CDH4: variants seen among roughly 807,000 people sequenced by gnomAD.
CDH4 encodes cadherin-4.
In CDH4, 33 loss-of-function variants were observed where a neutral mutation model predicts 86.0. The observed-to-expected ratio is 0.38, with a 90% CI of 0.29 to 0.51. The LOEUF is 0.51. Ranked by LOEUF, CDH4 falls within the 20% of genes least tolerant of loss-of-function variation. CDH4 has a pLI of 0.86. For synonymous variants in CDH4, 555 were observed against 549.4 expected, an observed-to-expected ratio of 1.01 and a Z score of -0.14; for missense variants, 1,114 against 1,307.4, an observed-to-expected ratio of 0.85 and a Z score of 2.28.
At chr20:61,790,578 C>G (rs1030675209) in intron 4 of CDH4, among the ~76,000 whole-genome samples, 1 of 150,800 alleles carries the variant, frequency 6.6e-6, no homozygotes, top group East Asian at 2.0e-4. Flanking sequence ...ATTTATCTGT[C>G]TAACCATTCA....
At chr20:61,674,645 G>A in intron 2 of CDH4, among the ~76,000 whole-genome samples, 1 of 152,226 alleles carries the variant, frequency 6.6e-6, no homozygotes, top group East Asian at 1.9e-4. Flanking sequence ...CCTTGTTAAT[G>A]CTATATTTTA....
intron 6 of CDH4, among the ~76,000 whole-genome samples, chr20:61,873,474 CA>C (rs1424010519): frequency 1.3e-5 from 2 of 152,134 alleles, no homozygotes; most frequent in Non-Finnish European, 2.9e-5. Context: ...TTTCCCCAGC[CA>C]AAAAAGGAAG....
intron 2 of CDH4, among the ~76,000 whole-genome samples, chr20:61,701,521 T>C (rs2087775841): frequency 6.6e-6 from 1 of 152,208 alleles, no homozygotes; most frequent in Non-Finnish European, 1.5e-5. Flanking sequence ...GATCAGGACA[T>C]GCCCATCCTC....
intron 2 of CDH4, among the ~76,000 whole-genome samples, chr20:61,319,835 T>C (rs545327754): frequency 2.0e-5 from 3 of 151,090 alleles, no homozygotes; most frequent in Non-Finnish European, 4.4e-5. Context: ...GCACCTGTAG[T>C]CCTTAGCTAC....
intron 2 of CDH4, among the ~76,000 whole-genome samples, chr20:61,296,095 C>T (rs1024393842): frequency 6.6e-6 from 1 of 151,888 alleles, no homozygotes; most frequent in East Asian, 1.9e-4. Flanking sequence ...AGGAGAGCGG[C>T]TTCTAGGCAG....
rs368530278 is a variant in CDH4, at chr20:61,423,300, G to A, written c.169+168363G>A. Among the ~76,000 whole-genome samples, 4 of 152,338 alleles carry A rather than the reference G, an allele frequency of 2.6e-5. No homozygotes were observed. In the South Asian group the frequency reaches 8.3e-4, roughly 32 times the overall value. On this transcript the variant is annotated intron_variant, in intron 2 of 15. Coordinates refer to ENST00000614565, the MANE Select transcript of CDH4 (RefSeq NM_001794.5). ...CCCGCAGGGCAGGCAGGTGTCCTGA[G>A]CTGTTCCAGTGCCCCGGGTGTGCAC...
At chr20:61,344,245 C>T (rs1318642474) in intron 2 of CDH4, among the ~76,000 whole-genome samples, 1 of 152,100 alleles carries the variant, frequency 6.6e-6, no homozygotes, top group South Asian at 2.1e-4. Context: ...TATTCTTACA[C>T]CCTTTGATGG....
chr20:61,307,768 G>T (rs73319128), intron 2 of CDH4, among the ~76,000 whole-genome samples: 2,153 of 152,302 alleles, frequency 0.014, 64 homozygotes, highest in African/African-American at 0.05. Context: ...GTCCTGCAGG[G>T]CTGGACTGCT....
chr20:61,755,935 G>A (rs1000203504), intron 3 of CDH4, among the ~76,000 whole-genome samples: 23 of 152,220 alleles, frequency 1.5e-4, no homozygotes, highest in African/African-American at 4.3e-4. Context: ...AAAGGACCCA[G>A]CACTTCACAG....
chr20:61,291,190 C>T (rs1163139125), intron 2 of CDH4, among the ~76,000 whole-genome samples: 1 of 152,196 alleles, frequency 6.6e-6, no homozygotes, highest in African/African-American at 2.4e-5. Flanking sequence ...TGACTCACAC[C>T]TTGTAGTGAG....
At chr20:61,872,954 A>T (rs1295419886) in intron 6 of CDH4, among the ~76,000 whole-genome samples, 1 of 152,108 alleles carries the variant, frequency 6.6e-6, no homozygotes, top group Non-Finnish European at 1.5e-5. Context: ...GGGCGTGCTG[A>T]TGCAGGCCCT....
In CDH4 at chr20:61,623,474, A is replaced by C. The variant is rs2086797267; in HGVS notation, c.170-120089A>C. On this transcript the variant is annotated intron_variant, in intron 2 of 15. Coordinates refer to ENST00000614565, the MANE Select transcript of CDH4 (RefSeq NM_001794.5). The surrounding 1 kb of genome is among the most constrained non-coding windows in gnomAD (Gnocchi z 4.4). ...GATTACACCTTCCAAAGCCTTCAGAAATACCATTACAATGAAAACAATTTC... is the reference window on the plus strand; with the variant it reads ...GATTACACCTTCCAAAGCCTTCAGACATACCATTACAATGAAAACAATTTC... 6.6e-6 allele frequency among the ~76,000 whole-genome samples: 1 copy of C among 152,212 alleles called. No homozygotes were observed. The highest frequency in any genetic ancestry group is 2.4e-5 in the African/African-American group (1 of 41,468).
chr20:61,881,895 G>A lies in CDH4; in HGVS notation c.1050+7995G>A, dbSNP rs115573274. On this transcript the variant is annotated intron_variant, in intron 7 of 15. Coordinates refer to ENST00000614565, the MANE Select transcript of CDH4 (RefSeq NM_001794.5). ...GGTGTAAAGATCTGGAGATAAAATC[G>A]TCTGCATTGGGGTGGACCCTAAATC... Among the ~76,000 whole-genome samples, 874 of 152,362 alleles carry A rather than the reference G, an allele frequency of 5.7e-3. 8 individuals are homozygous for A. Among genetic ancestry groups the A allele is most frequent in the African/African-American group, 0.02 (827 of 41,584 alleles).
At chr20:61,579,871 G>T (rs932823913) in intron 2 of CDH4, among the ~76,000 whole-genome samples, 30 of 152,120 alleles carry the variant, frequency 2.0e-4, no homozygotes, top group African/African-American at 7.0e-4. Flanking sequence ...TTATTCAAAA[G>T]CTCCTAGAGC....
chr20:61,365,454 G>A (rs1449108111), intron 2 of CDH4, among the ~76,000 whole-genome samples: 6 of 152,106 alleles, frequency 3.9e-5, no homozygotes, highest in Admixed American at 1.3e-4. Context: ...GGTGATGAGT[G>A]CTGGGGTATG....
chr20:61,882,430 G>A (rs965040807), intron 7 of CDH4, among the ~76,000 whole-genome samples: 14 of 152,196 alleles, frequency 9.2e-5, no homozygotes, highest in South Asian at 2.1e-4. Flanking sequence ...GTTTTAACTC[G>A]GTCAACATCG....
intron 4 of CDH4, among the ~76,000 whole-genome samples, chr20:61,840,597 C>A (rs187351110): frequency 6.6e-6 from 1 of 152,224 alleles, no homozygotes; most frequent in African/African-American, 2.4e-5. Flanking sequence ...ATAACAAATG[C>A]GGAAGAGCGT....
rs555944879 is a variant in CDH4 at position 61,907,863 on chromosome 20, A to G, written c.1189-2559A>G. Reference sequence around the variant, plus strand: ...GCAAAGACGGTTCCTCCCAATCCTCAGATGAGATCTGTGGCTGAGCGTGGC... The same window carrying G: ...GCAAAGACGGTTCCTCCCAATCCTCGGATGAGATCTGTGGCTGAGCGTGGC... On this transcript the variant is annotated intron_variant, in intron 8 of 15. Transcript: ENST00000614565. 1.3e-3 allele frequency among the ~76,000 whole-genome samples: 191 copies of G among 152,330 alleles called. 3 individuals are homozygous for G. The highest frequency in any genetic ancestry group is 2.3e-3 in the Non-Finnish European group (158 of 68,030).
At chr20:61,652,939 T>A (rs1330884496) in intron 2 of CDH4, among the ~76,000 whole-genome samples, 6 of 103,704 alleles carry the variant, frequency 5.8e-5, no homozygotes, top group Admixed American at 1.9e-4. Flanking sequence ...TATTTATTTA[T>A]TTTTTTTTTT....
Sources: allele counts gnomAD v4.1 joint callset (sites outside exome capture counted in the v4.1 genomes callset), GRCh38; gene constraint gnomAD v4.1.1; non-coding constraint Gnocchi (gnomAD v3.1); transcripts MANE v1.5; gene names NCBI Gene and HGNC (gene_info 2026-07-23, HGNC 2026-07-21).